Variants in CANX observed in about 807,000 individuals in gnomAD.
The protein encoded by CANX is calnexin, also known as epididymis secretory sperm binding protein.
In CANX, 14 loss-of-function variants were observed where a neutral mutation model predicts 75.7. The ratio of observed to expected loss-of-function variants is 0.19; its 90% CI spans 0.12 to 0.29. CANX has a LOEUF of 0.29. CANX is among the 10% of genes least tolerant of loss of function. CANX has a pLI of 1.00. For missense variants in CANX, 567 were observed against 713.2 expected, an observed-to-expected ratio of 0.79 and a Z score of 2.34; for synonymous variants, 227 against 236.9, an observed-to-expected ratio of 0.96 and a Z score of 0.38.
intron 1 of CANX, chr5:179,678,783 T>A: frequency 6.5e-7 from 1 of 1,536,940 alleles, no homozygotes; most frequent in Non-Finnish European, 8.7e-7. Flanking sequence ...TTCAGGTAGT[T>A]GTTCTCCTCC....
chr5:179,708,937 C>T (rs1271338833), intron 5 of CANX, 41 bp from the exon 6 acceptor site: 1 of 1,033,978 alleles, frequency 9.7e-7, no homozygotes, highest in Admixed American at 1.7e-5. Context: ...TTCGATCTTT[C>T]AAAATGCCAT....
intron 1 of CANX, among the ~76,000 whole-genome samples, chr5:179,692,471 G>A (rs973356447): frequency 8.5e-5 from 13 of 152,056 alleles, no homozygotes; most frequent in African/African-American, 3.1e-4. Flanking sequence ...ACTTTCAGAG[G>A]CCAATGGAGG....
At position 179,729,523 on chromosome 5, in the gene CANX, T is replaced by A. The variant is rs1430957236; in HGVS notation, c.*879T>A. ...CTTCCACTGTGTGTTGACACTGTTT[T>A]CCTTACCTATTTCCTCAGATCCCCA... On this transcript the variant is annotated 3_prime_UTR_variant, in exon 15 of 15. Transcript: ENST00000247461. 1.3e-5 allele frequency: 2 copies of A among 152,790 alleles called. No homozygotes were observed. The highest frequency in any genetic ancestry group is 4.8e-5 in the African/African-American group (2 of 41,468). The allele number at this position is 152,790 out of a possible 1,614,324, so 9.5% of individuals were successfully genotyped here.
intron 14 of CANX, among the ~76,000 whole-genome samples, chr5:179,727,213 A>G (rs1778722212): frequency 6.6e-6 from 1 of 152,244 alleles, no homozygotes; most frequent in Non-Finnish European, 1.5e-5. Context: ...TGAGTAAGAC[A>G]GACAAAGATA....
In CANX at chr5:179,727,073, G is replaced by T. The variant is rs115808955; in HGVS notation, c.1725+314G>T. 2.8e-3 allele frequency among the ~76,000 whole-genome samples: 432 copies of T among 152,316 alleles called. 1 individual carries two copies. The highest frequency in any genetic ancestry group is 0.01 in the African/African-American group (416 of 41,560). Reference sequence around the variant, plus strand: ...AACAGTCTATTTGCCTCTCCTCACTGTGCCCTGAAAAGTATTTCTTATACA... The same window carrying T: ...AACAGTCTATTTGCCTCTCCTCACTTTGCCCTGAAAAGTATTTCTTATACA... On this transcript the variant is annotated intron_variant, in intron 14 of 14. Transcript: ENST00000247461.
intron 1 of CANX, among the ~76,000 whole-genome samples, chr5:179,690,566 G>A (rs1360546529): frequency 1.0e-5 from 1 of 95,884 alleles, no homozygotes; most frequent in Non-Finnish European, 1.9e-5. Flanking sequence ...ACAAGAGTGA[G>A]ACTTCATCTC....
At chr5:179,683,445 TTATAATG>T (rs1776122853) in intron 1 of CANX, among the ~76,000 whole-genome samples, 1 of 151,784 alleles carries the variant, frequency 6.6e-6, no homozygotes. Context: ...CTACATATAT[TTATAATG>T]TATAATGTGA....
intron 13 of CANX, among the ~76,000 whole-genome samples, chr5:179,726,117 C>T (rs1778649824): frequency 1.3e-5 from 2 of 150,780 alleles, no homozygotes; most frequent in South Asian, 2.1e-4. Flanking sequence ...GGTGAAACCC[C>T]GTTTCACTAA....
chr5:179,720,668 A>C, intron 10 of CANX, 108 bp downstream of exon 10: 1 of 951,682 alleles, frequency 1.1e-6, no homozygotes, highest in Non-Finnish European at 1.6e-6. Flanking sequence ...CAAGCTGTTG[A>C]ATTAAAAGCA....
chr5:179,710,592 C>T (rs1235363712), intron 7 of CANX, among the ~76,000 whole-genome samples: 1 of 144,538 alleles, frequency 6.9e-6, no homozygotes, highest in Non-Finnish European at 1.5e-5. Flanking sequence ...CCTGTAGTCG[C>T]AGCTACTTGG....
chr5:179,699,075 C>T lies in CANX; in HGVS notation c.-31C>T, dbSNP rs1023992996. 1 of 1,088,684 alleles carries T rather than the reference C, an allele frequency of 9.2e-7. No homozygotes were observed. The highest frequency in any genetic ancestry group is 1.7e-5 in the African/African-American group (1 of 57,876). The allele number at this position is 1,088,684 out of a possible 1,614,324, so 67.4% of individuals were successfully genotyped here. A position where few individuals can be genotyped will look rare whatever the true frequency, so the allele number is the denominator to read the frequency against. On this transcript the variant is annotated 5_prime_UTR_variant, in exon 1 of 15. Coordinates refer to ENST00000247461, the MANE Select transcript of CANX (RefSeq NM_001746.4). ...GTGTGCGGGCGGGAAGGGGCACGGGCACCCCCGCGGTCCCCGGGAGGCTAG... is the reference window on the plus strand; with the variant it reads ...GTGTGCGGGCGGGAAGGGGCACGGGTACCCCCGCGGTCCCCGGGAGGCTAG...
chr5:179,686,704 G>A (rs28849191), intron 1 of CANX, among the ~76,000 whole-genome samples: 6,595 of 152,032 alleles, frequency 0.043, 198 homozygotes, highest in African/African-American at 0.081. Flanking sequence ...GGGCTCAAGC[G>A]TTGTGCCTGC....
At chr5:179,726,576 CAAAAAA>C in intron 13 of CANX, 98 bp from the exon 14 acceptor site, 4 of 511,592 alleles carry the variant, frequency 7.8e-6, no homozygotes, top group South Asian at 2.4e-5. Context: ...ACTCTGTCTC[CAAAAAA>C]AAAAAAAAAA....
chr5:179,724,661 A>G lies in CANX; in HGVS notation c.1523A>G (p.Gln508Arg). 1 of 1,612,594 alleles carries G rather than the reference A, an allele frequency of 6.2e-7. No homozygotes were observed. The highest frequency in any genetic ancestry group is 8.5e-7 in the Non-Finnish European group (1 of 1,179,202). Reference protein sequence around the residue: ...VILFCCSGKKQTSGMEYKKTD... With the variant: ...VILFCCSGKKRTSGMEYKKTD... ...GTACTTTGGGGAACATTTCAGAAAC[A>G]GACCAGTGGTATGGAGTATAAGAAA... Residue 508 changes from glutamine to arginine, a missense_variant, in exon 13 of 15, where the codon CAG becomes CGG. This residue lies in a region of CANX where 167 missense variants were observed against 179.3 expected (regional missense o/e 0.93). Coordinates refer to ENST00000247461, the MANE Select transcript of CANX (RefSeq NM_001746.4).
At chr5:179,715,255 G>A (rs547440394) in intron 7 of CANX, among the ~76,000 whole-genome samples, 3 of 152,278 alleles carry the variant, frequency 2.0e-5, no homozygotes, top group African/African-American at 4.8e-5. Context: ...CATGTGGCTG[G>A]GCACGGTGGC....
At chr5:179,679,087 C>T (rs1228630531) in intron 1 of CANX, 3 of 1,535,692 alleles carry the variant, frequency 2.0e-6, no homozygotes, top group South Asian at 1.2e-5. Context: ...ACTGCTGCAG[C>T]GTCTGCCACA....
At chr5:179,689,877 A>C (rs753348952) in intron 1 of CANX, among the ~76,000 whole-genome samples, 1 of 152,190 alleles carries the variant, frequency 6.6e-6, no homozygotes, top group Non-Finnish European at 1.5e-5. Context: ...AAGATTCACA[A>C]TTTAAAAAAT....
upstream of CANX, among the ~76,000 whole-genome samples, chr5:179,695,468 T>C (rs35708036): frequency 0.71 from 107,538 of 151,160 alleles, 40,751 homozygotes; most frequent in Non-Finnish European, 0.84. Context: ...TAGCTGGGAT[T>C]ACAGGCATTA....
intron 9 of CANX, 68 bp downstream of exon 9, chr5:179,719,849 T>C: frequency 1.4e-4 from 111 of 781,918 alleles, no homozygotes; most frequent in Non-Finnish European, 2.1e-4. Context: ...TGAGATGGAG[T>C]CTCACTCTGT....
Sources: allele counts gnomAD v4.1 joint callset (sites outside exome capture counted in the v4.1 genomes callset), GRCh38; gene constraint gnomAD v4.1.1; regional missense constraint gnomAD v4.1.1; transcripts MANE v1.5; gene names NCBI Gene and HGNC (gene_info 2026-07-23, HGNC 2026-07-21).